Variants in EDIL3 observed in about 807,000 individuals in gnomAD.
EDIL3 encodes the protein EGF like and discoidin domains 3.
In EDIL3, 37 loss-of-function variants were observed where a neutral mutation model predicts 67.4. The observed-to-expected ratio is 0.55, with a 90% CI of 0.42 to 0.72. EDIL3 has a LOEUF of 0.72. Among genes scored for constraint, EDIL3 ranks in the 30% least tolerant of loss-of-function variants. The pLI, the probability that EDIL3 is intolerant of heterozygous loss-of-function variation, is 0.00. For missense variants in EDIL3, 527 were observed against 586.3 expected, an observed-to-expected ratio of 0.90 and a Z score of 1.04; for synonymous variants, 195 against 196.3, an observed-to-expected ratio of 0.99 and a Z score of 0.05.
chr5:84,174,508 T>G (rs917242645), intron 4 of EDIL3, among the ~76,000 whole-genome samples: 2 of 152,166 alleles, frequency 1.3e-5, no homozygotes, highest in Admixed American at 1.3e-4. Flanking sequence ...ATATGCTGGT[T>G]TCTAAGTCTT....
chr5:84,166,003 A>T (rs940977200), intron 4 of EDIL3, among the ~76,000 whole-genome samples: 2 of 152,108 alleles, frequency 1.3e-5, no homozygotes, highest in African/African-American at 4.8e-5. Context: ...CTTTGTTTCC[A>T]TCTGCCCTCT....
At chr5:84,380,061 T>G (rs1314096915) in intron 1 of EDIL3, among the ~76,000 whole-genome samples, 1 of 152,048 alleles carries the variant, frequency 6.6e-6, no homozygotes, top group Non-Finnish European at 1.5e-5. Flanking sequence ...TTTATAGTAC[T>G]TAAATTCTTG....
At chr5:84,375,253 T>G (rs924321968) in intron 1 of EDIL3, among the ~76,000 whole-genome samples, 1 of 152,162 alleles carries the variant, frequency 6.6e-6, no homozygotes, top group African/African-American at 2.4e-5. Flanking sequence ...TACAGGCATG[T>G]GCCACTGCGC....
At position 84,291,371 on chromosome 5, in the gene EDIL3, T is replaced by G. The variant is rs1167853831; in HGVS notation, c.68-37159A>C. On this transcript the variant is annotated intron_variant, in intron 1 of 10. Transcript: ENST00000296591. ...AAAGAACACTTGAATCAGGGAACAA[T>G]CGCACTTTTTAAGACAGAGGTTATC... Among the ~76,000 whole-genome samples the G allele has an allele frequency of 2.6e-5, 4 of 152,044 alleles. No homozygotes were observed. In the East Asian group the frequency reaches 7.7e-4, roughly 29 times the overall value.
intron 5 of EDIL3, among the ~76,000 whole-genome samples, chr5:84,129,810 A>G (rs533236460): frequency 9.8e-5 from 15 of 152,294 alleles, no homozygotes; most frequent in Admixed American, 3.3e-4. Context: ...TTATAAGATG[A>G]ATTTTTAGTA....
intron 9 of EDIL3, among the ~76,000 whole-genome samples, chr5:84,000,030 T>C (rs1745304611): frequency 6.6e-6 from 1 of 151,842 alleles, no homozygotes; most frequent in Non-Finnish European, 1.5e-5. Flanking sequence ...ACTTTTATTC[T>C]AGAATATTAT....
intron 1 of EDIL3, among the ~76,000 whole-genome samples, chr5:84,263,482 T>C (rs1296782354): frequency 1.3e-5 from 2 of 152,188 alleles, no homozygotes; most frequent in Non-Finnish European, 2.9e-5. Context: ...GATGAAAGCA[T>C]GGCAGTGTGT....
rs1294444626 is a variant in EDIL3 at position 84,324,925 on chromosome 5, AT to A, written c.67+59382del. 5.6e-5 allele frequency among the ~76,000 whole-genome samples: 7 copies of A among 125,618 alleles called. No individual in the cohort carries two copies. In the South Asian group the frequency reaches 2.0e-3, roughly 36 times the overall value. 82.4% of individuals were successfully genotyped at this position (125,618 alleles called of 152,430 possible). A position where few individuals can be genotyped will look rare whatever the true frequency, so the allele number is the denominator to read the frequency against. ...TTAATCAGGAGTCAAAATTCTCCTG[AT>A]TAAAAAAAAAAATCCCTGGTGTCTT... On this transcript the variant is annotated intron_variant, in intron 1 of 10. Transcript: ENST00000296591.
At chr5:84,038,846 A>G (rs1746069752) in intron 9 of EDIL3, among the ~76,000 whole-genome samples, 4 of 152,244 alleles carry the variant, frequency 2.6e-5, no homozygotes, top group Admixed American at 2.6e-4. Context: ...ACTTGGCTCC[A>G]GTACTACTAA....
At chr5:84,209,105 C>G (rs1744056415) in intron 3 of EDIL3, among the ~76,000 whole-genome samples, 1 of 151,952 alleles carries the variant, frequency 6.6e-6, no homozygotes, top group African/African-American at 2.4e-5. Context: ...AATCATCATT[C>G]TCAGTAAACT....
chr5:84,109,143 C>T (rs1199934871), intron 5 of EDIL3, among the ~76,000 whole-genome samples: 1 of 152,072 alleles, frequency 6.6e-6, no homozygotes, highest in African/African-American at 2.4e-5. Flanking sequence ...TATATATGTG[C>T]AACTCACTCT....
At chr5:84,182,863 A>G (rs1382883505) in intron 3 of EDIL3, among the ~76,000 whole-genome samples, 1 of 152,100 alleles carries the variant, frequency 6.6e-6, no homozygotes, top group East Asian at 1.9e-4. Context: ...TTATTTAAGT[A>G]GACAGTTTTG....
Position 84,160,818 on chromosome 5 carries a change from TC to T in EDIL3, c.355+19574del, listed in dbSNP as rs199872096. Among the ~76,000 whole-genome samples, 805 of 113,448 alleles carry T rather than the reference TC, an allele frequency of 7.1e-3. 10 individuals carry two copies. The highest frequency in any genetic ancestry group is 0.018 in the African/African-American group (448 of 24,502). The allele number at this position is 113,448 out of a possible 152,430, so 74.4% of individuals were successfully genotyped here. A position where few individuals can be genotyped will look rare whatever the true frequency, so the allele number is the denominator to read the frequency against. Reference sequence around the variant, plus strand: ...TCCTTTCCTTTCCTTTCCTTTCCTTTCCCTTTCCTTTTCCTTTCCTTTTCCT... The same window carrying T: ...TCCTTTCCTTTCCTTTCCTTTCCTTTCCTTTCCTTTTCCTTTCCTTTTCCT... On this transcript the variant is annotated intron_variant, in intron 4 of 10. Coordinates refer to ENST00000296591, the MANE Select transcript of EDIL3 (RefSeq NM_005711.5).
chr5:84,040,038 A>G (rs1328712764), intron 9 of EDIL3, among the ~76,000 whole-genome samples: 1 of 152,138 alleles, frequency 6.6e-6, no homozygotes, highest in African/African-American at 2.4e-5. Context: ...CCTATAAAAT[A>G]GGTACTATTA....
chr5:84,359,547 C>T (rs180780325), intron 1 of EDIL3, among the ~76,000 whole-genome samples: 182 of 152,150 alleles, frequency 1.2e-3, no homozygotes, highest in African/African-American at 4.2e-3. Context: ...AATAAATTTG[C>T]CTTCTGATGA....
intron 6 of EDIL3, among the ~76,000 whole-genome samples, chr5:84,098,062 C>A (rs984721): frequency 6.7e-6 from 1 of 148,990 alleles, no homozygotes. Context: ...TGGAAAAAAT[C>A]TACATAAAGA....
chr5:84,091,325 G>A (rs887975160), intron 6 of EDIL3, among the ~76,000 whole-genome samples: 1 of 152,210 alleles, frequency 6.6e-6, no homozygotes, highest in Non-Finnish European at 1.5e-5. Flanking sequence ...GCAGCACATA[G>A]TGCTGAAGTG....
intron 9 of EDIL3, among the ~76,000 whole-genome samples, chr5:83,969,769 A>T (rs1010744658): frequency 6.6e-6 from 1 of 151,926 alleles, no homozygotes; most frequent in African/African-American, 2.4e-5. Flanking sequence ...TTTATTTTTT[A>T]AAAAATTGAT....
intron 1 of EDIL3, among the ~76,000 whole-genome samples, chr5:84,274,869 T>C (rs895538938): frequency 6.6e-6 from 1 of 152,106 alleles, no homozygotes; most frequent in East Asian, 1.9e-4. Flanking sequence ...AAGAATTCAT[T>C]GCATTTTATA....
Sources: allele counts gnomAD v4.1 joint callset (sites outside exome capture counted in the v4.1 genomes callset), GRCh38; gene constraint gnomAD v4.1.1; transcripts MANE v1.5; gene names NCBI Gene and HGNC (gene_info 2026-07-23, HGNC 2026-07-21).